CTNNA2: variants seen among roughly 807,000 people sequenced by gnomAD.
CTNNA2 encodes catenin alpha 2, also known as catenin alpha-2.
CTNNA2 carries 42 observed loss-of-function variants against 101.0 expected under a neutral mutation model. That is an observed-to-expected ratio of 0.42 (90% CI 0.32 to 0.54). The LOEUF (loss-of-function observed/expected upper bound fraction) is 0.54. CTNNA2 is among the 20% of genes least tolerant of loss of function. CTNNA2 has a pLI of 0.14. For synonymous variants in CTNNA2, 450 were observed against 456.4 expected (o/e 0.99, Z 0.18); for missense variants, 871 against 1,223.1 (o/e 0.71, Z 4.29).
chr2:80,186,630 TA>T (rs536794395), intron 7 of CTNNA2, among the ~76,000 whole-genome samples: 18 of 152,338 alleles, frequency 1.2e-4, no homozygotes, highest in Middle Eastern at 3.4e-3. Flanking sequence ...CTGCCACTTG[TA>T]AATATTATTT....
intron 7 of CTNNA2, among the ~76,000 whole-genome samples, chr2:80,002,838 C>A (rs1419239381): frequency 6.6e-6 from 1 of 152,164 alleles, no homozygotes; most frequent in East Asian, 1.9e-4. Flanking sequence ...CCCTGTCAAA[C>A]CAACATCTAA....
At chr2:80,069,666 G>A (rs945038352) in intron 7 of CTNNA2, among the ~76,000 whole-genome samples, 5 of 152,140 alleles carry the variant, frequency 3.3e-5, no homozygotes, top group Non-Finnish European at 7.4e-5. Flanking sequence ...AAGGGAATAA[G>A]AGAGGAAATA....
chr2:80,435,319 C>G (rs1349263450), intron 9 of CTNNA2, among the ~76,000 whole-genome samples: 1 of 152,186 alleles, frequency 6.6e-6, no homozygotes, highest in African/African-American at 2.4e-5. Flanking sequence ...AGGTTTGTTT[C>G]TTAACTGAAT....
intron 7 of CTNNA2, among the ~76,000 whole-genome samples, chr2:80,018,620 A>C (rs1429139059): frequency 6.6e-6 from 1 of 152,022 alleles, no homozygotes; most frequent in Non-Finnish European, 1.5e-5. Context: ...ACTAAACAGA[A>C]AATACAAAAA....
chr2:80,632,052 G>A (rs1672354727), intron 18 of CTNNA2, among the ~76,000 whole-genome samples: 1 of 152,098 alleles, frequency 6.6e-6, no homozygotes, highest in Non-Finnish European at 1.5e-5. Flanking sequence ...CCACCTGACT[G>A]ATAAATAATT....
At chr2:80,644,252 G>A (rs185981408) in intron 18 of CTNNA2, among the ~76,000 whole-genome samples, 6 of 152,106 alleles carry the variant, frequency 3.9e-5, no homozygotes, top group African/African-American at 1.2e-4. Flanking sequence ...TTCCTACTTC[G>A]AGAATTTTTG....
At chr2:80,442,815 C>T (rs146646195) in intron 9 of CTNNA2, among the ~76,000 whole-genome samples, 7 of 152,340 alleles carry the variant, frequency 4.6e-5, no homozygotes, top group Non-Finnish European at 8.8e-5. Context: ...AGGCTCCCAT[C>T]ATTGTTGCCA....
intron 9 of CTNNA2, among the ~76,000 whole-genome samples, chr2:80,499,118 T>C (rs1262458969): frequency 6.6e-6 from 1 of 152,352 alleles, no homozygotes; most frequent in Non-Finnish European, 1.5e-5. Context: ...TGTCCCTTTA[T>C]TGATGGCCAA....
chr2:79,288,677 A>G (rs565672686), intron 2 of CTNNA2, among the ~76,000 whole-genome samples: 62 of 152,162 alleles, frequency 4.1e-4, no homozygotes, highest in African/African-American at 1.3e-3. Flanking sequence ...TTGGAGTTCC[A>G]ACTGCTGTTT....
chr2:79,255,375 A>G (rs551298682), intron 2 of CTNNA2, among the ~76,000 whole-genome samples: 32 of 152,320 alleles, frequency 2.1e-4, no homozygotes, highest in African/African-American at 7.7e-4. Flanking sequence ...AGAGCTCCCA[A>G]ATTTACTAAG....
At position 79,493,564 on chromosome 2, in the gene CTNNA2, C is replaced by T. The variant is rs192165803; in HGVS notation, c.-134-11490C>T. 1.7e-4 allele frequency among the ~76,000 whole-genome samples: 26 copies of T among 152,168 alleles called. No homozygotes were observed. The East Asian group carries it at 4.5e-3, about 26-fold the overall frequency. On this transcript the variant is annotated intron_variant, in intron 4 of 21. Coordinates refer to the CTNNA2 transcript ENST00000466387. ...CCGGGAGGCGGAGGTTGCAGTGAGC[C>T]GAGACCGCAACACTGCACTCCAGCC...
chr2:79,965,784 A>G (rs983865078), intron 7 of CTNNA2, among the ~76,000 whole-genome samples: 2 of 138,700 alleles, frequency 1.4e-5, no homozygotes, highest in Admixed American at 8.2e-5. Context: ...AGATGGCACC[A>G]CTGCCACTGT....
At chr2:80,079,388 CT>C (rs1449395682) in intron 7 of CTNNA2, among the ~76,000 whole-genome samples, 1 of 152,170 alleles carries the variant, frequency 6.6e-6, no homozygotes, top group African/African-American at 2.4e-5. Context: ...CTGGCTGCCC[CT>C]GCAGAGAAAA....
chr2:79,233,989 T>A (rs1335434124), intron 2 of CTNNA2, among the ~76,000 whole-genome samples: 1 of 149,852 alleles, frequency 6.7e-6, no homozygotes, highest in Non-Finnish European at 1.5e-5. Flanking sequence ...CTTGTCTTTT[T>A]TATCTAGTTT....
intron 7 of CTNNA2, among the ~76,000 whole-genome samples, chr2:80,390,113 C>T (rs887797556): frequency 6.6e-6 from 1 of 152,172 alleles, no homozygotes; most frequent in African/African-American, 2.4e-5. Flanking sequence ...AACCACCTTG[C>T]CTTCTTGTCT....
At chr2:80,325,536 G>T (rs1007470065) in intron 7 of CTNNA2, among the ~76,000 whole-genome samples, 1 of 152,142 alleles carries the variant, frequency 6.6e-6, no homozygotes, top group Admixed American at 6.5e-5. Context: ...CCTGATCAGA[G>T]AACTTTGTTA....
intron 3 of CTNNA2, among the ~76,000 whole-genome samples, chr2:79,768,001 A>G (rs1462449592): frequency 2.0e-5 from 3 of 151,732 alleles, no homozygotes; most frequent in African/African-American, 7.3e-5. Context: ...GTTGAGCACT[A>G]GGACTCGGTT....
chr2:79,613,721 G>T (rs900723167), intron 1 of CTNNA2, among the ~76,000 whole-genome samples: 1 of 152,052 alleles, frequency 6.6e-6, no homozygotes, highest in Non-Finnish European at 1.5e-5. Context: ...GGGTCTTGTT[G>T]TGTTGCCCAG....
At chr2:80,466,556 C>T (rs1559133699) in intron 9 of CTNNA2, among the ~76,000 whole-genome samples, 1 of 151,066 alleles carries the variant, frequency 6.6e-6, no homozygotes, top group African/African-American at 2.4e-5. Context: ...AATATTTTTG[C>T]AAAAAAAAGA....
Sources: allele counts gnomAD v4.1 joint callset (sites outside exome capture counted in the v4.1 genomes callset), GRCh38; gene constraint gnomAD v4.1.1; transcripts MANE v1.5; gene names NCBI Gene and HGNC (gene_info 2026-07-23, HGNC 2026-07-21).